Variants in COL14A1 observed in about 807,000 individuals in gnomAD.
COL14A1 encodes collagen type XIV alpha 1 chain.
A neutral mutation model predicts 230.3 loss-of-function variants in COL14A1; 136 were observed. The ratio of observed to expected loss-of-function variants is 0.59; its 90% confidence interval spans 0.51 to 0.68. The LOEUF is 0.68. Ranked by LOEUF, COL14A1 falls within the 30% of genes least tolerant of loss-of-function variation. The pLI, the probability that COL14A1 is intolerant of heterozygous loss-of-function variation, is 0.00. For missense variants in COL14A1, 1,976 were observed against 2,215.8 expected, an observed-to-expected ratio of 0.89 and a Z score of 2.17; for synonymous variants, 792 against 784.1, an observed-to-expected ratio of 1.01 and a Z score of -0.17.
At chr8:120,166,873 T>C (rs1288086037) in intron 4 of COL14A1, among the ~76,000 whole-genome samples, 1 of 132,724 alleles carries the variant, frequency 7.5e-6, no homozygotes, top group Non-Finnish European at 1.6e-5. Flanking sequence ...GAAAAGAATT[T>C]AAGTGTGTGT....
chr8:120,365,019 A>AT (rs56948873), intron 45 of COL14A1, among the ~76,000 whole-genome samples: 1 of 151,454 alleles, frequency 6.6e-6, no homozygotes. Flanking sequence ...TTTTTTTAAT[A>AT]TTTTTTGTGA....
intron 34 of COL14A1, among the ~76,000 whole-genome samples, chr8:120,295,951 T>G (rs1443066019): frequency 6.6e-6 from 1 of 151,918 alleles, no homozygotes; most frequent in Non-Finnish European, 1.5e-5. Context: ...AAATATTTAT[T>G]GTTAGTGTTG....
chr8:120,367,959 A>C (rs1195920566), intron 46 of COL14A1, among the ~76,000 whole-genome samples: 1 of 151,800 alleles, frequency 6.6e-6, no homozygotes, highest in Non-Finnish European at 1.5e-5. Context: ...AAAAAAAAGA[A>C]GGCACACCGG....
chr8:120,332,768 G>T, intron 42 of COL14A1, 33 bp downstream of exon 42: 1 of 1,552,850 alleles, frequency 6.4e-7, no homozygotes, highest in Non-Finnish European at 8.8e-7. Flanking sequence ...TCAGAATGTA[G>T]GCCCAGTCAT....
At chr8:120,353,579 A>T (rs1211726858) in intron 45 of COL14A1, among the ~76,000 whole-genome samples, 1 of 151,420 alleles carries the variant, frequency 6.6e-6, no homozygotes, top group East Asian at 1.9e-4. Context: ...AAGTGGGCGA[A>T]GGACATGAAC....
intron 19 of COL14A1, among the ~76,000 whole-genome samples, chr8:120,237,857 A>G (rs1818496029): frequency 6.6e-6 from 1 of 151,990 alleles, no homozygotes; most frequent in Middle Eastern, 3.2e-3. Flanking sequence ...TTTTCCTTCT[A>G]ACAGTCAGGC....
At chr8:120,177,172 G>T (rs1432566849) in intron 5 of COL14A1, among the ~76,000 whole-genome samples, 5 of 152,136 alleles carry the variant, frequency 3.3e-5, no homozygotes, top group Non-Finnish European at 7.3e-5. Flanking sequence ...TCAGTGGAAT[G>T]ACTGGCAGAA....
intron 23 of COL14A1, among the ~76,000 whole-genome samples, chr8:120,258,077 G>T (rs1819214591): frequency 6.6e-6 from 1 of 152,164 alleles, no homozygotes; most frequent in East Asian, 1.9e-4. Context: ...ATTCAGGCTT[G>T]TTTATTAATA....
intron 10 of COL14A1, among the ~76,000 whole-genome samples, chr8:120,207,576 A>G (rs1021211572): frequency 3.3e-5 from 5 of 152,162 alleles, no homozygotes. Flanking sequence ...TAAAGCCGCT[A>G]TGGCTGGCAT....
At chr8:120,124,501 C>G (rs924677866), upstream of COL14A1, among the ~76,000 whole-genome samples, 1 of 152,188 alleles carries the variant, frequency 6.6e-6, no homozygotes, top group Non-Finnish European at 1.5e-5. Context: ...TACAACCACA[C>G]GAAATTGCCT....
At chr8:120,218,210 TAATATATAAATATAAATA>T (rs994060401) in intron 14 of COL14A1, among the ~76,000 whole-genome samples, 2 of 136,024 alleles carry the variant, frequency 1.5e-5, no homozygotes, top group Admixed American at 7.8e-5. Flanking sequence ...TATAAATATA[TAATATATAAATATAAATA>T]AATATATAAA....
At chr8:120,306,369 A>C (rs1344093635) in intron 36 of COL14A1, among the ~76,000 whole-genome samples, 2 of 152,220 alleles carry the variant, frequency 1.3e-5, no homozygotes, top group African/African-American at 2.4e-5. Context: ...AGGGGGAAGA[A>C]AGATGTAAAA....
At chr8:120,189,623 A>C (rs1423615710) in intron 5 of COL14A1, among the ~76,000 whole-genome samples, 2 of 137,966 alleles carry the variant, frequency 1.4e-5, no homozygotes, top group African/African-American at 5.2e-5. Context: ...TCCTAAAGCT[A>C]TCCCTCCCCC....
In COL14A1 at chr8:120,332,715, CA is replaced by C; in HGVS notation, c.4767del (p.Gly1590AlafsTer27). 1 of 1,613,338 alleles carries C rather than the reference CA, an allele frequency of 6.2e-7. No homozygotes were observed. Among genetic ancestry groups the C allele is most frequent in the Non-Finnish European group, 8.5e-7 (1 of 1,179,514 alleles). On this transcript the variant is annotated frameshift_variant, in exon 42 of 48. Transcript: ENST00000297848. LOFTEE classifies it high-confidence loss of function. ...AGGGATCACAGGAAGCATGGGACCG[CA>C]AGGCGCCCTGGGACCACCTGTGAGT... ...VPGITGSMGP[Q>X]GALGPPGVPG...
intron 33 of COL14A1, 103 bp from the exon 34 acceptor site, chr8:120,289,505 C>A: frequency 1.0e-6 from 1 of 997,440 alleles, no homozygotes; most frequent in African/African-American, 1.6e-5. Flanking sequence ...AGAATTCTTT[C>A]TCTTCTCTTT....
At chr8:120,141,728 G>T (rs1463846675) in intron 1 of COL14A1, among the ~76,000 whole-genome samples, 1 of 152,094 alleles carries the variant, frequency 6.6e-6, no homozygotes, top group East Asian at 1.9e-4. Flanking sequence ...GTTAAGTATT[G>T]CTTCAAAACA....
intron 36 of COL14A1, among the ~76,000 whole-genome samples, chr8:120,304,188 T>C (rs1311778379): frequency 6.6e-6 from 1 of 152,094 alleles, no homozygotes; most frequent in East Asian, 1.9e-4. Context: ...TTCAAAAAAC[T>C]AACTAACTAC....
rs1822474652 is a variant in COL14A1, at chr8:120,345,521, T to C, written c.5035T>C (p.Phe1679Leu). 1.3e-6 allele frequency: 2 copies of C among 1,575,228 alleles called. No homozygotes were observed. Among genetic ancestry groups the C allele is most frequent in the African/African-American group, 1.4e-5 (1 of 72,124 alleles). Residue 1679 changes from phenylalanine (F) to leucine (L), a missense_variant, in exon 45 of 48, where the codon TTC becomes CTC. Physicochemically the swap from Phe to Leu is conservative, Grantham distance 22 (BLOSUM62 0). This residue lies in a region of COL14A1 where 1,791 missense variants were observed against 2,019.5 expected (regional missense o/e 0.89). Coordinates refer to ENST00000297848, the MANE Select transcript of COL14A1 (RefSeq NM_021110.4). ...GEQGPPGTPG[F>L]PGNAGVPGTP... ...ACAAGGACCCCCAGGCACACCAGGC[T>C]TCCCCGGAAATGCAGGCGTGCCAGG...
At position 120,212,298 on chromosome 8, in the gene COL14A1, T is replaced by A. The variant is rs2130765528; in HGVS notation, c.1468-150T>A. On this transcript the variant is annotated intron_variant, in intron 12 of 47. Transcript: ENST00000297848. ...CTAGTATAAAATGACACAAGACAAT[T>A]TAAAAATTATGACTGAAGCCTGTTT... 3 of 668,144 alleles carry A rather than the reference T, an allele frequency of 4.5e-6. No individual in the cohort carries two copies. The East Asian group carries it at 8.7e-5, about 19-fold the overall frequency. 41.4% of individuals were successfully genotyped at this position (668,144 alleles called of 1,614,324 possible).
Sources: allele counts gnomAD v4.1 joint callset (sites outside exome capture counted in the v4.1 genomes callset), GRCh38; gene constraint gnomAD v4.1.1; regional missense constraint gnomAD v4.1.1; transcripts MANE v1.5; gene names NCBI Gene and HGNC (gene_info 2026-07-23, HGNC 2026-07-21).